The following TEX2 variants were observed in gnomAD, a reference collection of about 807,000 sequenced individuals.
The protein encoded by TEX2 is testis-expressed protein 2.
In TEX2, 53 loss-of-function variants were observed where a neutral mutation model predicts 106.9. That is an observed-to-expected ratio of 0.50 (90% CI 0.40 to 0.62). TEX2 has a LOEUF of 0.62. TEX2 is among the 20% of genes least tolerant of loss of function. The pLI, the probability that TEX2 is intolerant of heterozygous loss-of-function variation, is 0.00. For synonymous variants in TEX2, 523 were observed against 534.8 expected, an observed-to-expected ratio of 0.98 and a Z score of 0.30; for missense variants, 1,207 against 1,379.0, an observed-to-expected ratio of 0.88 and a Z score of 1.98.
intron 1 of TEX2, among the ~76,000 whole-genome samples, chr17:64,219,505 CATCAA>C (rs1173572063): frequency 2.3e-5 from 2 of 87,658 alleles, no homozygotes; most frequent in South Asian, 9.0e-4. Context: ...GACTCCATCT[CATCAA>C]ATAAAATAAA....
At chr17:64,210,373 CAA>C (rs1342354850) in intron 2 of TEX2, among the ~76,000 whole-genome samples, 1 of 152,016 alleles carries the variant, frequency 6.6e-6, no homozygotes, top group East Asian at 1.9e-4. Flanking sequence ...TAAATCAAAA[CAA>C]AAAGAGTGGG....
intron 1 of TEX2, among the ~76,000 whole-genome samples, chr17:64,262,889 G>A (rs1555638790): frequency 6.6e-6 from 1 of 152,184 alleles, no homozygotes; most frequent in African/African-American, 2.4e-5. Flanking sequence ...GCCGGGGACC[G>A]CAGGCTGAGG....
intron 4 of TEX2, 185 bp from the exon 5 acceptor site, chr17:64,188,600 A>G (rs1451427028): frequency 4.0e-5 from 35 of 867,690 alleles, no homozygotes; most frequent in Non-Finnish European, 6.0e-5. Flanking sequence ...GCGGATCACG[A>G]GGTCAGGAGA....
chr17:64,227,373 T>C (rs1402899255), intron 1 of TEX2, among the ~76,000 whole-genome samples: 1 of 152,030 alleles, frequency 6.6e-6, no homozygotes, highest in Non-Finnish European at 1.5e-5. Flanking sequence ...ATGTCTGCAC[T>C]GGGCAAAAAA....
intron 2 of TEX2, among the ~76,000 whole-genome samples, chr17:64,209,466 A>G (rs1047400655): frequency 2.6e-5 from 4 of 152,234 alleles, no homozygotes; most frequent in Non-Finnish European, 4.4e-5. Flanking sequence ...TAAGGCTAAG[A>G]ATGAAAAAAG....
intron 5 of TEX2, among the ~76,000 whole-genome samples, chr17:64,182,644 CT>C (rs1471018604): frequency 6.6e-6 from 1 of 152,142 alleles, no homozygotes; most frequent in Non-Finnish European, 1.5e-5. Context: ...CCCCATCCCC[CT>C]GCCCACCAGT....
At chr17:64,251,759 C>G (rs12937969) in intron 1 of TEX2, among the ~76,000 whole-genome samples, 11,201 of 152,130 alleles carry the variant, frequency 0.074, 515 homozygotes, top group Non-Finnish European at 0.11. Flanking sequence ...AACAGGGAAT[C>G]CAGCAACAGC....
intron 4 of TEX2, among the ~76,000 whole-genome samples, chr17:64,188,676 C>T (rs967581455): frequency 6.6e-5 from 10 of 151,800 alleles, no homozygotes; most frequent in Non-Finnish European, 1.0e-4. Context: ...ATTAGCCGGG[C>T]GTGGTGGTGG....
intron 3 of TEX2, among the ~76,000 whole-genome samples, chr17:64,194,628 C>T (rs991744283): frequency 6.6e-6 from 1 of 152,162 alleles, no homozygotes; most frequent in South Asian, 2.1e-4. Context: ...AAGTTGTGGT[C>T]TGTGGACCAG....
chr17:64,187,124 C>T (rs779413838), intron 5 of TEX2, among the ~76,000 whole-genome samples: 10 of 152,146 alleles, frequency 6.6e-5, no homozygotes, highest in Non-Finnish European at 1.3e-4. Context: ...TTCAAGAGAG[C>T]AGAGTAATTC....
In TEX2 at chr17:64,154,933, C is replaced by T. The variant is rs2030548357; in HGVS notation, c.2839G>A (p.Asp947Asn). Residue 947 changes from aspartate (D) to asparagine (N), a missense_variant, in exon 9 of 12, where the codon GAT becomes AAT. By Grantham distance (23) the Asp-to-Asn change is conservative (BLOSUM62 1). Around this residue, in one of 3 missense-constraint regions of TEX2, gnomAD observed 1,067 missense variants for 1,193.6 expected, o/e 0.89. Transcript: ENST00000584379. ...RPRAFCLADSDEESSSAGSSE... is the reference protein window; with the variant it reads ...RPRAFCLADSNEESSSAGSSE... ...GAGCCAGCGCTGGAGGATTCCTCAT[C>T]GCTGTCCGCCAGACAGAATGCCCGG... is the stretch of plus-strand genomic sequence containing the variant. The T allele has an allele frequency of 5.6e-6, 9 of 1,605,612 alleles. No homozygotes were observed. Among genetic ancestry groups the T allele is most frequent in the African/African-American group, 2.7e-5 (2 of 74,680 alleles).
At chr17:64,232,370 A>C (rs2033678122) in intron 1 of TEX2, among the ~76,000 whole-genome samples, 1 of 152,090 alleles carries the variant, frequency 6.6e-6, no homozygotes, top group South Asian at 2.1e-4. Context: ...CATGTTTTTC[A>C]ATATTCTTAC....
chr17:64,212,997 C>T lies in TEX2; in HGVS notation c.1221G>A (p.Leu407=). 6.2e-7 allele frequency: 1 copy of T among 1,614,238 alleles called. No homozygotes were observed. Among genetic ancestry groups the T allele is most frequent in the Non-Finnish European group, 8.5e-7 (1 of 1,180,042 alleles). Residue 407 remains leucine, a synonymous_variant, in exon 2 of 12, where the codon TTG becomes TTA. Transcript: ENST00000584379. ...TSSLVLEKCS[L]SALVSKEDEE... is the part of the protein sequence containing the mutation. ...CATCTTCTTTGCTCACTAAGGCAGA[C>T]AAAGAACATTTCTCCAGAACTAGAG...
At chr17:64,152,055 T>A (rs1231737370) in intron 10 of TEX2, among the ~76,000 whole-genome samples, 1 of 152,236 alleles carries the variant, frequency 6.6e-6, no homozygotes, top group Non-Finnish European at 1.5e-5. Context: ...TCAAAACCCC[T>A]CTTCTGATCA....
At chr17:64,165,039 T>G (rs987801231) in intron 7 of TEX2, among the ~76,000 whole-genome samples, 1 of 152,196 alleles carries the variant, frequency 6.6e-6, no homozygotes, top group Non-Finnish European at 1.5e-5. Context: ...CCTCACGTTA[T>G]TTTCTCCTCC....
chr17:64,223,519 T>A (rs781980062), intron 1 of TEX2, among the ~76,000 whole-genome samples: 1 of 151,934 alleles, frequency 6.6e-6, no homozygotes, highest in Non-Finnish European at 1.5e-5. Context: ...ACGTGTTTGT[T>A]CATAGCAAAC....
chr17:64,226,332 C>A (rs2033504608), intron 1 of TEX2, among the ~76,000 whole-genome samples: 1 of 152,130 alleles, frequency 6.6e-6, no homozygotes, highest in African/African-American at 2.4e-5. Flanking sequence ...ATGACAGATT[C>A]TCAGGAAGTT....
At chr17:64,220,466 G>A (rs1237633262) in intron 1 of TEX2, among the ~76,000 whole-genome samples, 1 of 152,080 alleles carries the variant, frequency 6.6e-6, no homozygotes, top group East Asian at 1.9e-4. Flanking sequence ...ATCTGACAAA[G>A]GTCTAATATC....
intron 2 of TEX2, among the ~76,000 whole-genome samples, chr17:64,198,740 G>A (rs2032559542): frequency 6.9e-6 from 1 of 145,280 alleles, no homozygotes; most frequent in Non-Finnish European, 1.6e-5. Flanking sequence ...AGACATTACT[G>A]CGACAAATCA....
Sources: allele counts gnomAD v4.1 joint callset (sites outside exome capture counted in the v4.1 genomes callset), GRCh38; gene constraint gnomAD v4.1.1; regional missense constraint gnomAD v4.1.1; transcripts MANE v1.5; gene names NCBI Gene and HGNC (gene_info 2026-07-23, HGNC 2026-07-21).